LPP: variants seen among roughly 807,000 people sequenced by gnomAD.
LPP encodes lipoma-preferred partner.
In LPP, 38 loss-of-function variants were observed where a neutral mutation model predicts 60.4. The observed-to-expected ratio is 0.63, with a 90% CI of 0.49 to 0.83. The LOEUF (loss-of-function observed/expected upper bound fraction) is 0.83, where lower values mean the gene tolerates loss of function less well. LPP is among the 40% of genes least tolerant of loss of function. The pLI is 0.00. For synonymous variants in LPP, 328 were observed against 290.8 expected, an observed-to-expected ratio of 1.13 and a Z score of -1.30; for missense variants, 902 against 783.6, an observed-to-expected ratio of 1.15 and a Z score of -1.80.
intron 5 of LPP, among the ~76,000 whole-genome samples, chr3:188,511,890 G>A (rs1815793738): frequency 1.3e-5 from 2 of 152,142 alleles, no homozygotes; most frequent in Non-Finnish European, 2.9e-5. Context: ...AGTGGACTGG[G>A]TAGCTGCCTA....
intron 6 of LPP, among the ~76,000 whole-genome samples, chr3:188,552,944 G>T (rs1029444062): frequency 1.3e-5 from 2 of 152,176 alleles, no homozygotes; most frequent in Non-Finnish European, 2.9e-5. Flanking sequence ...TTTTAGGAAA[G>T]TAGATAAGTT....
chr3:188,728,809 C>A (rs978431198), intron 8 of LPP, among the ~76,000 whole-genome samples: 2 of 151,490 alleles, frequency 1.3e-5, no homozygotes, highest in African/African-American at 4.9e-5. Context: ...AATATTTATG[C>A]AGAGCCTATG....
chr3:188,217,338 C>T lies in LPP; in HGVS notation c.-189-8067C>T, dbSNP rs1220739889. ...TTTGTGTTTGAGGAACAGAAGGAGACTGATGTGCTGGCAGGATGTGGGCTG... is the reference window on the plus strand; with the variant it reads ...TTTGTGTTTGAGGAACAGAAGGAGATTGATGTGCTGGCAGGATGTGGGCTG... On this transcript the variant is annotated intron_variant, in intron 1 of 11. Transcript: ENST00000617246. The surrounding 1 kb of genome is among the most constrained non-coding windows in gnomAD (Gnocchi z 4.0). Among the ~76,000 whole-genome samples, 1 of 152,190 alleles carries T rather than the reference C, an allele frequency of 6.6e-6. No individual in the cohort carries two copies. The highest frequency in any genetic ancestry group is 2.1e-4 in the South Asian group (1 of 4,824).
chr3:188,593,313 C>A (rs911919687), intron 6 of LPP, among the ~76,000 whole-genome samples: 1 of 151,954 alleles, frequency 6.6e-6, no homozygotes, highest in African/African-American at 2.4e-5. Flanking sequence ...TGCTCTCTCT[C>A]TCTCTTCTCT....
chr3:188,343,334 A>G (rs1763545439), intron 3 of LPP, among the ~76,000 whole-genome samples: 1 of 152,220 alleles, frequency 6.6e-6, no homozygotes, highest in African/African-American at 2.4e-5. Flanking sequence ...GTAGTAGCAA[A>G]AAATGTAAGA....
At chr3:188,685,717 A>G (rs932697335) in intron 7 of LPP, among the ~76,000 whole-genome samples, 1 of 151,990 alleles carries the variant, frequency 6.6e-6, no homozygotes, top group Non-Finnish European at 1.5e-5. Flanking sequence ...GGAATTATTC[A>G]CCTCTCAATC....
chr3:188,238,255 G>A (rs1022344957), intron 2 of LPP, among the ~76,000 whole-genome samples: 1 of 152,136 alleles, frequency 6.6e-6, no homozygotes, highest in African/African-American at 2.4e-5. Flanking sequence ...AGGGAATTTT[G>A]TGGCTGGTTT....
intron 1 of LPP, among the ~76,000 whole-genome samples, chr3:188,187,018 A>G (rs897095470): frequency 3.9e-5 from 6 of 152,014 alleles, no homozygotes; most frequent in African/African-American, 1.4e-4. Flanking sequence ...TTCACTCACT[A>G]TTTTGTAAGA....
chr3:188,687,263 T>G (rs886823281), intron 7 of LPP, among the ~76,000 whole-genome samples: 2 of 152,204 alleles, frequency 1.3e-5, no homozygotes, highest in Admixed American at 1.3e-4. Context: ...CACCCTGGTA[T>G]ACCATAGTCT....
intron 1 of LPP, among the ~76,000 whole-genome samples, chr3:188,204,714 G>C (rs1005269232): frequency 4.6e-5 from 7 of 152,178 alleles, no homozygotes; most frequent in African/African-American, 1.7e-4. Context: ...GCTGGTTGAT[G>C]TGGAAGTCAG....
intron 8 of LPP, among the ~76,000 whole-genome samples, chr3:188,753,802 T>A (rs1258558915): frequency 6.6e-6 from 1 of 152,056 alleles, no homozygotes; most frequent in African/African-American, 2.4e-5. Context: ...TATGTATTTG[T>A]AGAGGGAAAA....
chr3:188,463,612 G>A (rs7631255), intron 4 of LPP, among the ~76,000 whole-genome samples: 24,416 of 152,054 alleles, frequency 0.16, 2,213 homozygotes, highest in East Asian at 0.27. Context: ...AAGAAGACTT[G>A]CAAGAGTCCA....
At position 188,849,288 on chromosome 3, in the gene LPP, A is replaced by T. The variant is rs528919974; in HGVS notation, c.1411-16912A>T. On this transcript the variant is annotated intron_variant, in intron 9 of 11. Coordinates refer to ENST00000617246, the MANE Select transcript of LPP (RefSeq NM_001375462.1). ...AGCTGCAAGGACGACTGGGAAATAT[A>T]TTTATTCTGGGCAGCCATGTACTTA... 2.0e-5 allele frequency among the ~76,000 whole-genome samples: 3 copies of T among 151,940 alleles called. 1 individual carries two copies. The East Asian group carries it at 5.8e-4, about 29-fold the overall frequency.
intron 8 of LPP, among the ~76,000 whole-genome samples, chr3:188,750,074 C>T (rs183246142): frequency 6.6e-6 from 1 of 152,306 alleles, no homozygotes; most frequent in Admixed American, 6.5e-5. Flanking sequence ...TCTCTGTTTC[C>T]AGGATGGTGC....
chr3:188,240,509 C>G (rs2149450589), intron 2 of LPP, among the ~76,000 whole-genome samples: 1 of 152,224 alleles, frequency 6.6e-6, no homozygotes, highest in East Asian at 1.9e-4. Context: ...CTGAATTTGA[C>G]TGCTTTATTT....
intron 4 of LPP, among the ~76,000 whole-genome samples, chr3:188,452,992 C>T (rs1009026872): frequency 6.6e-6 from 1 of 152,172 alleles, no homozygotes; most frequent in Non-Finnish European, 1.5e-5. Flanking sequence ...ATGGTTCTTA[C>T]TGGTGTGAAG....
intron 8 of LPP, among the ~76,000 whole-genome samples, chr3:188,720,769 A>G (rs779211469): frequency 5.9e-5 from 9 of 152,158 alleles, no homozygotes; most frequent in African/African-American, 1.9e-4. Context: ...ACTTGGTTCT[A>G]AGGTTTGACC....
rs1770611471 is a variant in LPP at position 188,885,998 on chromosome 3, G to C, written c.*11519G>C. On this transcript the variant is annotated 3_prime_UTR_variant, in exon 12 of 12. Transcript: ENST00000617246. ...AAAAAATGATGAGTTCATGTCCTTTGTAGGGACATGGATGAAATTGGAAAT... is the reference window on the plus strand; with the variant it reads ...AAAAAATGATGAGTTCATGTCCTTTCTAGGGACATGGATGAAATTGGAAAT... 2 of 152,184 alleles carry C rather than the reference G, an allele frequency of 1.3e-5. No individual in the cohort carries two copies. Among genetic ancestry groups the C allele is most frequent in the South Asian group, 2.1e-4 (1 of 4,820 alleles). 9.4% of individuals were successfully genotyped at this position (152,184 alleles called of 1,614,324 possible).
intron 6 of LPP, among the ~76,000 whole-genome samples, chr3:188,554,939 G>T (rs891191316): frequency 6.6e-6 from 1 of 152,144 alleles, no homozygotes. Context: ...TAGTAAACAT[G>T]TTAGGTTCTA....
Sources: allele counts gnomAD v4.1 joint callset (sites outside exome capture counted in the v4.1 genomes callset), GRCh38; gene constraint gnomAD v4.1.1; non-coding constraint Gnocchi (gnomAD v3.1); transcripts MANE v1.5; gene names NCBI Gene and HGNC (gene_info 2026-07-23, HGNC 2026-07-21).